PSTPIP2: variants seen among roughly 807,000 people sequenced by gnomAD.
PSTPIP2 encodes proline-serine-threonine phosphatase interacting protein 2.
Under a neutral mutation model 63.3 loss-of-function variants are expected in PSTPIP2, and 33 were observed. The ratio of observed to expected loss-of-function variants is 0.52; its 90% confidence interval spans 0.40 to 0.70. The LOEUF is 0.70. PSTPIP2 is among the 30% of genes least tolerant of loss of function. The pLI is 0.00. For missense variants in PSTPIP2, 312 were observed against 400.7 expected (o/e 0.78, Z 1.89); for synonymous variants, 125 against 132.7 (o/e 0.94, Z 0.40).
intron 2 of PSTPIP2, among the ~76,000 whole-genome samples, chr18:46,025,147 G>A (rs926050617): frequency 3.3e-5 from 5 of 151,962 alleles, no homozygotes; most frequent in Admixed American, 6.6e-5. Flanking sequence ...TTGCAGGGTC[G>A]GTCTCAGCAC....
At chr18:45,996,725 A>T (rs1382750791) in intron 9 of PSTPIP2, among the ~76,000 whole-genome samples, 1 of 152,096 alleles carries the variant, frequency 6.6e-6, no homozygotes, top group Admixed American at 6.6e-5. Context: ...GAGACCCAGG[A>T]GCTCAAGACC....
intron 2 of PSTPIP2, among the ~76,000 whole-genome samples, chr18:46,036,455 G>C (rs1349117830): frequency 1.3e-5 from 2 of 152,086 alleles, no homozygotes; most frequent in Non-Finnish European, 2.9e-5. Context: ...TATCTAGCAA[G>C]CCTTCAATAA....
intron 1 of PSTPIP2, among the ~76,000 whole-genome samples, chr18:46,042,824 A>G (rs1387757279): frequency 6.6e-6 from 1 of 152,094 alleles, no homozygotes; most frequent in Non-Finnish European, 1.5e-5. Context: ...TTGTCAGTCA[A>G]CTTACCACCT....
At chr18:45,987,725 T>G (rs975558682) in intron 14 of PSTPIP2, among the ~76,000 whole-genome samples, 3 of 152,208 alleles carry the variant, frequency 2.0e-5, no homozygotes, top group African/African-American at 7.2e-5. Context: ...TGATACTTTA[T>G]GAAGAGTTTT....
chr18:46,045,212 G>A (rs367559995), intron 1 of PSTPIP2, among the ~76,000 whole-genome samples: 12 of 152,278 alleles, frequency 7.9e-5, no homozygotes, highest in Admixed American at 6.5e-4. Flanking sequence ...ACATGCACAC[G>A]TATGTTTATT....
At chr18:46,008,290 C>G (rs1327038173) in intron 5 of PSTPIP2, among the ~76,000 whole-genome samples, 1 of 152,104 alleles carries the variant, frequency 6.6e-6, no homozygotes, top group Non-Finnish European at 1.5e-5. Flanking sequence ...TCTCTCTACT[C>G]ACACTCAAGC....
At chr18:46,048,616 G>A (rs531507679) in intron 1 of PSTPIP2, among the ~76,000 whole-genome samples, 1 of 152,166 alleles carries the variant, frequency 6.6e-6, no homozygotes, top group South Asian at 2.1e-4. Flanking sequence ...TCAGGAAACG[G>A]GCAAACTCAA....
At chr18:46,001,359 T>A (rs2051664358) in intron 6 of PSTPIP2, among the ~76,000 whole-genome samples, 1 of 152,234 alleles carries the variant, frequency 6.6e-6, no homozygotes. Flanking sequence ...TGTTGAGCAT[T>A]AAAAAATATA....
At chr18:46,038,909 GGC>G (rs1225177067) in intron 2 of PSTPIP2, among the ~76,000 whole-genome samples, 156 of 152,302 alleles carry the variant, frequency 1.0e-3, no homozygotes, top group African/African-American at 3.7e-3. Flanking sequence ...GGCCGAGGCA[GGC>G]AGATCACCTG....
chr18:46,071,184 G>C (rs1310002139), intron 1 of PSTPIP2, among the ~76,000 whole-genome samples: 1 of 152,154 alleles, frequency 6.6e-6, no homozygotes, highest in Non-Finnish European at 1.5e-5. Context: ...AGCCCACGTG[G>C]GGTAGAGGGA....
chr18:46,011,064 T>C (rs1432294023), intron 5 of PSTPIP2, 117 bp downstream of exon 5: 1 of 849,466 alleles, frequency 1.2e-6, no homozygotes, highest in Non-Finnish European at 1.9e-6. Flanking sequence ...CAGTAAGTAA[T>C]TTCTCAGGTC....
At chr18:46,007,282 A>C (rs373470101) in intron 5 of PSTPIP2, among the ~76,000 whole-genome samples, 77 of 152,338 alleles carry the variant, frequency 5.1e-4, no homozygotes, top group African/African-American at 1.6e-3. Context: ...GAGTACATGA[A>C]ATTCCCTTGG....
intron 5 of PSTPIP2, among the ~76,000 whole-genome samples, chr18:46,006,357 G>A (rs11082505): frequency 7.6e-6 from 1 of 132,168 alleles, no homozygotes; most frequent in Non-Finnish European, 1.6e-5. Context: ...CCCAGCCCTG[G>A]TACTTTTTTT....
rs116843484 is a variant in PSTPIP2, at chr18:46,054,240, G to A, written c.34-14193C>T. 4.1e-3 allele frequency among the ~76,000 whole-genome samples: 625 copies of A among 152,274 alleles called. 1 individual carries two copies. Among genetic ancestry groups the A allele is most frequent in the Non-Finnish European group, 6.9e-3 (468 of 68,020 alleles). On this transcript the variant is annotated intron_variant, in intron 1 of 14. Coordinates refer to ENST00000409746, the MANE Select transcript of PSTPIP2 (RefSeq NM_024430.4). ...TTATGGGACCACCATCATATATGCA[G>A]TCTCTTGTTGACCAAAACGTCATTA...
At position 45,999,491 on chromosome 18, in the gene PSTPIP2, G is replaced by A. The variant is rs1192396602; in HGVS notation, c.461C>T (p.Ala154Val). The A allele has an allele frequency of 6.2e-7, 1 of 1,614,078 alleles. No homozygotes were observed. Among genetic ancestry groups the A allele is most frequent in the Non-Finnish European group, 8.5e-7 (1 of 1,180,040 alleles). Residue 154 changes from alanine to valine, a missense_variant, in exon 7 of 15, where the codon GCA becomes GTA. Physicochemically the swap from Ala to Val is moderately conservative, Grantham distance 64. Coordinates refer to ENST00000409746, the MANE Select transcript of PSTPIP2 (RefSeq NM_024430.4). ...GGCACTCCGGCTGACGGCCTGTTCT[G>A]CCTCATCTTTGTCCCGGCATTTCTG... is the stretch of plus-strand genomic sequence containing the variant. ...YEQKCRDKDE[A>V]EQAVSRSANL...
intron 1 of PSTPIP2, among the ~76,000 whole-genome samples, chr18:46,060,365 C>A (rs947200562): frequency 2.6e-5 from 4 of 152,140 alleles, no homozygotes; most frequent in Non-Finnish European, 5.9e-5. Flanking sequence ...TAACACATTA[C>A]CCACAATTCC....
intron 1 of PSTPIP2, among the ~76,000 whole-genome samples, chr18:46,064,024 T>C (rs1909083224): frequency 6.6e-6 from 1 of 152,196 alleles, no homozygotes; most frequent in Non-Finnish European, 1.5e-5. Flanking sequence ...TGCCAGGCAT[T>C]GAACCAGGCA....
chr18:46,008,573 C>T (rs1269626431), intron 5 of PSTPIP2, among the ~76,000 whole-genome samples: 3 of 152,084 alleles, frequency 2.0e-5, no homozygotes, highest in Non-Finnish European at 4.4e-5. Flanking sequence ...CGGCAAAGTG[C>T]TGGGATTAGA....
At chr18:46,066,323 T>A (rs1434798982) in intron 1 of PSTPIP2, among the ~76,000 whole-genome samples, 1 of 152,118 alleles carries the variant, frequency 6.6e-6, no homozygotes, top group Non-Finnish European at 1.5e-5. Flanking sequence ...CAAGACCCTG[T>A]CTCAAAAATA....
Sources: allele counts gnomAD v4.1 joint callset (sites outside exome capture counted in the v4.1 genomes callset), GRCh38; gene constraint gnomAD v4.1.1; transcripts MANE v1.5; gene names NCBI Gene and HGNC (gene_info 2026-07-23, HGNC 2026-07-21).